HPCAL1: variants seen among roughly 807,000 people sequenced by gnomAD.
HPCAL1 encodes the protein hippocalcin-like protein 1.
HPCAL1 carries 8 observed loss-of-function variants against 17.1 expected under a neutral mutation model. That is an observed-to-expected ratio of 0.47 (90% CI 0.27 to 0.84). The LOEUF is 0.84. HPCAL1 is among the 40% of genes least tolerant of loss of function. HPCAL1 has a pLI of 0.13. For missense variants in HPCAL1, 165 were observed against 271.1 expected (o/e 0.61, Z 2.75); for synonymous variants, 112 against 111.4 (o/e 1.01, Z -0.03).
At chr2:10,357,943 G>A (rs1198700146) in intron 1 of HPCAL1, among the ~76,000 whole-genome samples, 1 of 152,196 alleles carries the variant, frequency 6.6e-6, no homozygotes, top group East Asian at 1.9e-4. Context: ...GGGATCCCCT[G>A]AGGAAAACAA....
intron 2 of HPCAL1, among the ~76,000 whole-genome samples, chr2:10,413,450 C>T (rs1351850086): frequency 1.3e-5 from 2 of 152,274 alleles, no homozygotes; most frequent in Non-Finnish European, 2.9e-5. Flanking sequence ...CCAACACAGA[C>T]ACCCACCTTG....
chr2:10,325,916 G>A (rs1167850054), intron 1 of HPCAL1, among the ~76,000 whole-genome samples: 1 of 152,238 alleles, frequency 6.6e-6, no homozygotes, highest in Non-Finnish European at 1.5e-5. Context: ...TTGGGGGAAA[G>A]TTGTTGGGAA....
intron 2 of HPCAL1, among the ~76,000 whole-genome samples, chr2:10,418,934 G>A (rs750366921): frequency 1.3e-4 from 20 of 152,188 alleles, no homozygotes; most frequent in Non-Finnish European, 2.6e-4. Context: ...GGTGGGCCGG[G>A]GACAGTGGCT....
In HPCAL1 at chr2:10,362,903, G is replaced by A. The variant is rs1192320974; in HGVS notation, c.-110-33932G>A. Among the ~76,000 whole-genome samples, 6 of 152,144 alleles carry A rather than the reference G, an allele frequency of 3.9e-5. No homozygotes were observed. The highest frequency in any genetic ancestry group is 6.5e-5 in the Admixed American group (1 of 15,276). On this transcript the variant is annotated intron_variant, in intron 1 of 4. Coordinates refer to ENST00000307845, the MANE Select transcript of HPCAL1 (RefSeq NM_002149.4). The surrounding 1 kb of genome is among the most constrained non-coding windows in gnomAD (Gnocchi z 5.0). ...CAGAGGGGGACCTCAGAGGACAGTC[G>A]GACTGGGGAATCCCTGGCCCAGAGA...
Position 10,422,935 on chromosome 2 carries a change from C to T in HPCAL1, c.379-48C>T, listed in dbSNP as rs202128838. 55 of 1,415,740 alleles carry T rather than the reference C, an allele frequency of 3.9e-5. No homozygotes were observed. In the African/African-American group the frequency reaches 6.7e-4, roughly 17 times the overall value. The allele number at this position is 1,415,740 out of a possible 1,614,324, so 87.7% of individuals were successfully genotyped here. A position where few individuals can be genotyped will look rare whatever the true frequency, so the allele number is the denominator to read the frequency against. ...CGGAAGCCCACCCTTGCTGCACCCG[C>T]CCAAGCCCCCGGGCCTCTGAGCACA... On this transcript the variant is annotated intron_variant, in intron 3 of 4. Coordinates refer to ENST00000307845, the MANE Select transcript of HPCAL1 (RefSeq NM_002149.4).
intron 1 of HPCAL1, among the ~76,000 whole-genome samples, chr2:10,368,155 GGT>G (rs1308656356): frequency 1.1e-4 from 16 of 151,766 alleles, no homozygotes; most frequent in East Asian, 1.9e-4. Flanking sequence ...TGCATGTGTA[GGT>G]GTGTGTGTGC....
Position 10,400,509 on chromosome 2 carries a change from C to T in HPCAL1, c.-25+3589C>T, listed in dbSNP as rs183939160. Among the ~76,000 whole-genome samples the T allele has an allele frequency of 5.6e-3, 860 of 152,314 alleles. 8 individuals are homozygous for T. Among genetic ancestry groups the T allele is most frequent in the African/African-American group, 0.019 (810 of 41,570 alleles). On this transcript the variant is annotated intron_variant, in intron 2 of 4. Coordinates refer to ENST00000307845, the MANE Select transcript of HPCAL1 (RefSeq NM_002149.4). Reference sequence around the variant, plus strand: ...TGCTGGCCAGGCCGTGGATCCCAGGCGGGCATCTCAGAGAGCCATCTGAGC... The same window carrying T: ...TGCTGGCCAGGCCGTGGATCCCAGGTGGGCATCTCAGAGAGCCATCTGAGC...
At chr2:10,351,200 A>G (rs1665823153) in intron 1 of HPCAL1, among the ~76,000 whole-genome samples, 1 of 152,262 alleles carries the variant, frequency 6.6e-6, no homozygotes, top group African/African-American at 2.4e-5. Context: ...TAGTCTATCC[A>G]TACAATGGAA....
At chr2:10,356,526 A>G (rs531490883) in intron 1 of HPCAL1, among the ~76,000 whole-genome samples, 1 of 148,498 alleles carries the variant, frequency 6.7e-6, no homozygotes, top group Non-Finnish European at 1.5e-5. Flanking sequence ...CTGAGGTGGC[A>G]TTTCCTTGAA....
chr2:10,381,766 A>T (rs2125539406), intron 1 of HPCAL1, among the ~76,000 whole-genome samples: 1 of 152,364 alleles, frequency 6.6e-6, no homozygotes, highest in South Asian at 2.1e-4. Context: ...GACACTCAGC[A>T]CCAAATGCGA....
chr2:10,386,248 C>A (rs1178171094), intron 1 of HPCAL1, among the ~76,000 whole-genome samples: 3 of 152,210 alleles, frequency 2.0e-5, no homozygotes, highest in African/African-American at 7.2e-5. Flanking sequence ...CCATGGCTCC[C>A]TGTTGCCAAA....
Position 10,334,341 on chromosome 2 carries a change from C to CA in HPCAL1, c.-111+31171dup, listed in dbSNP as rs201951946. ...TGTTTTGTTTTGTTTTTTAAACAAA[C>CA]AAAAAAACCAACAACAGTTAGGTGG... On this transcript the variant is annotated intron_variant, in intron 1 of 4. Coordinates refer to ENST00000307845, the MANE Select transcript of HPCAL1 (RefSeq NM_002149.4). Among the ~76,000 whole-genome samples the CA allele has an allele frequency of 6.0e-3, 892 of 148,670 alleles. 6 individuals are homozygous for CA. Among genetic ancestry groups the CA allele is most frequent in the South Asian group, 0.014 (65 of 4,734 alleles).
Position 10,419,174 on chromosome 2 carries a change from G to A in HPCAL1, c.-24-560G>A, listed in dbSNP as rs187057997. Among the ~76,000 whole-genome samples, 32 of 148,714 alleles carry A rather than the reference G, an allele frequency of 2.2e-4. No individual in the cohort carries two copies. The highest frequency in any genetic ancestry group is 2.0e-3 in the Admixed American group (29 of 14,636). ...TACAGTGAGCTGTGATCCTGCTACT[G>A]CACTGCAGCCTGGGCGACAAGAGCA... On this transcript the variant is annotated intron_variant, in intron 2 of 4. Coordinates refer to ENST00000307845, the MANE Select transcript of HPCAL1 (RefSeq NM_002149.4). The surrounding 1 kb of genome is among the most constrained non-coding windows in gnomAD (Gnocchi z 5.0).
At chr2:10,319,134 C>T (rs547966158) in intron 1 of HPCAL1, among the ~76,000 whole-genome samples, 1 of 152,332 alleles carries the variant, frequency 6.6e-6, no homozygotes, top group African/African-American at 2.4e-5. Flanking sequence ...CTCCTGCTGC[C>T]CCAGCACGGG....
chr2:10,389,411 T>C (rs988096784), intron 1 of HPCAL1, among the ~76,000 whole-genome samples: 11 of 152,214 alleles, frequency 7.2e-5, no homozygotes, highest in African/African-American at 2.7e-4. Flanking sequence ...CACCCTTGAA[T>C]TCTTTCCTGA....
At chr2:10,376,373 A>T (rs1276590705) in intron 1 of HPCAL1, among the ~76,000 whole-genome samples, 1 of 152,200 alleles carries the variant, frequency 6.6e-6, no homozygotes, top group African/African-American at 2.4e-5. Context: ...AGTGACCTGT[A>T]CACCTAAAAG....
chr2:10,352,443 C>G (rs574821832), intron 1 of HPCAL1, among the ~76,000 whole-genome samples: 1 of 152,212 alleles, frequency 6.6e-6, no homozygotes, highest in South Asian at 2.1e-4. Context: ...TTAAATCTCT[C>G]TCTCTTAAGA....
At chr2:10,409,239 A>G (rs568918934) in intron 2 of HPCAL1, among the ~76,000 whole-genome samples, 3 of 152,310 alleles carry the variant, frequency 2.0e-5, no homozygotes, top group South Asian at 4.1e-4. Flanking sequence ...AGGTGGAGAC[A>G]CGGAGGCACC....
intron 1 of HPCAL1, among the ~76,000 whole-genome samples, chr2:10,368,357 G>T (rs548843636): frequency 3.3e-5 from 5 of 152,258 alleles, no homozygotes; most frequent in African/African-American, 9.6e-5. Flanking sequence ...TTGTGTGTGT[G>T]TGTGCATATG....
Sources: gnomAD v4.1 joint callset for allele counts (sites outside exome capture counted in the v4.1 genomes callset) on GRCh38, gnomAD v4.1.1 for gene constraint, Gnocchi (gnomAD v3.1) non-coding constraint, MANE v1.5 for transcripts, NCBI Gene and HGNC (gene_info 2026-07-23, HGNC 2026-07-21) for gene names.